POM121C: variants seen among roughly 807,000 people sequenced by gnomAD.
POM121C encodes the protein nuclear envelope pore membrane protein POM 121C.
POM121C carries 20 observed loss-of-function variants against 66.4 expected under a neutral mutation model. The ratio of observed to expected loss-of-function variants is 0.30; its 90% CI spans 0.21 to 0.44. The LOEUF (loss-of-function observed/expected upper bound fraction) is 0.44, where lower values mean the gene tolerates loss of function less well. POM121C is among the 20% of genes least tolerant of loss of function. The probability of loss-of-function intolerance (pLI) is 1.00; values close to 1 mark genes in which losing one functional copy is unlikely to be tolerated. For synonymous variants in POM121C, 286 were observed against 528.0 expected (o/e 0.54, Z 6.28); for missense variants, 580 against 1,225.7 (o/e 0.47, Z 7.87).
chr7:75,472,836 G>A lies in POM121C; in HGVS notation c.-152+1868C>T, dbSNP rs1395188673. Among the ~76,000 whole-genome samples, 6 of 151,116 alleles carry A rather than the reference G, an allele frequency of 4.0e-5. No homozygotes were observed. In the South Asian group the frequency reaches 1.0e-3, roughly 26 times the overall value. The stretch of plus-strand genomic sequence containing the variant: ...TGGAAGGAAGGAAGGGAGGGAGGGA[G>A]GAAGGGAGGGAGGGAAGAGAGGAAG... On this transcript the variant is annotated intron_variant, in intron 3 of 14. Coordinates refer to ENST00000615331, the MANE Select transcript of POM121C (RefSeq NM_001099415.3).
chr7:75,486,038 C>G lies in POM121C; in HGVS notation c.-632G>C, dbSNP rs1456270812. 7 of 455,122 alleles carry G rather than the reference C, an allele frequency of 1.5e-5. No homozygotes were observed. Among genetic ancestry groups the G allele is most frequent in the Non-Finnish European group, 2.6e-5 (6 of 230,070 alleles). 28.2% of individuals were successfully genotyped at this position (455,122 alleles called of 1,614,324 possible). A position where few individuals can be genotyped will look rare whatever the true frequency, so the allele number is the denominator to read the frequency against. On this transcript the variant is annotated 5_prime_UTR_variant, in exon 1 of 15. Transcript: ENST00000615331. ...GGCAAATCCAGGCGGGTGTCCTTCT[C>G]GGGGCCCAGATCCGCCTCCCTGGGG...
intron 3 of POM121C, chr7:75,442,626 C>A: frequency 2.0e-6 from 3 of 1,491,036 alleles, no homozygotes; most frequent in Non-Finnish European, 2.7e-6. Flanking sequence ...GCCGCCCCGG[C>A]CGGCCCGCCG....
Position 75,422,049 on chromosome 7 carries a change from A to T in POM121C, c.2203T>A (p.Ser735Thr), listed in dbSNP as rs201448509. The T allele has an allele frequency of 3.6e-5, 58 of 1,611,810 alleles. No homozygotes were observed. Among genetic ancestry groups the T allele is most frequent in the South Asian group, 1.3e-4 (12 of 91,040 alleles). The change falls in exon 13 of 15, where the codon TCT (serine) becomes ACT (threonine). Residue 735 changes from serine (S) to threonine (T), a missense_variant. Physicochemically the swap from Ser to Thr is moderately conservative, Grantham distance 58. Coordinates refer to ENST00000615331, the MANE Select transcript of POM121C (RefSeq NM_001099415.3). Reference protein sequence around the residue: ...SFGSSFTFGNSAAPAPATAPT... With the variant: ...SFGSSFTFGNTAAPAPATAPT... ...GCAGTAGCCGGGGCCGGGGCTGCAG[A>T]GTTTCCAAAAGTGAAAGAGCTGCCA...
chr7:75,424,501 G>A, intron 11 of POM121C, 25 bp downstream of exon 11: 1 of 1,610,340 alleles, frequency 6.2e-7, no homozygotes, highest in East Asian at 2.2e-5. Flanking sequence ...AACCTCTCGA[G>A]AGTGCAACGA....
intron 7 of POM121C, among the ~76,000 whole-genome samples, chr7:75,428,058 A>C (rs1234179070): frequency 6.6e-6 from 1 of 152,212 alleles, no homozygotes; most frequent in Non-Finnish European, 1.5e-5. Flanking sequence ...CCAAGGATTG[A>C]ATATATAAGC....
chr7:75,479,798 T>C (rs1421875504), intron 1 of POM121C, among the ~76,000 whole-genome samples: 2 of 152,080 alleles, frequency 1.3e-5, no homozygotes, highest in African/African-American at 4.8e-5. Flanking sequence ...AAATGGATAT[T>C]ACTTAAGAAT....
chr7:75,447,820 G>A (rs1469739860), intron 3 of POM121C, among the ~76,000 whole-genome samples: 2 of 151,826 alleles, frequency 1.3e-5, no homozygotes, highest in Non-Finnish European at 2.9e-5. Context: ...TCAGGAGATC[G>A]AGACCATCCT....
At chr7:75,419,186 T>C (rs1789590405) in intron 14 of POM121C, 134 bp downstream of exon 14, 44 of 1,394,912 alleles carry the variant, frequency 3.2e-5, no homozygotes, top group Non-Finnish European at 3.9e-5. Flanking sequence ...TGGGCTGTGC[T>C]GTACTCCTAA....
intron 7 of POM121C, among the ~76,000 whole-genome samples, chr7:75,429,054 C>G (rs189131224): frequency 2.6e-4 from 39 of 152,070 alleles, no homozygotes; most frequent in African/African-American, 8.4e-4. Context: ...TATTACTCCT[C>G]TACTTCATTG....
At chr7:75,452,087 C>A (rs1435362795) in intron 3 of POM121C, among the ~76,000 whole-genome samples, 1 of 152,080 alleles carries the variant, frequency 6.6e-6, no homozygotes, top group African/African-American at 2.4e-5. Context: ...TCTCTTGAAC[C>A]CAGGAGGAGG....
At chr7:75,476,801 ACAACAGACAAATAGGACTTATTC>A (rs1792097410) in intron 1 of POM121C, among the ~76,000 whole-genome samples, 1 of 152,204 alleles carries the variant, frequency 6.6e-6, no homozygotes, top group Non-Finnish European at 1.5e-5. Context: ...AACATAATAT[ACAACAGACAAATAGGACTTATTC>A]CAACAATATA....
chr7:75,423,993 A>C (rs1210186485), intron 12 of POM121C, 56 bp downstream of exon 12: 1 of 1,587,388 alleles, frequency 6.3e-7, no homozygotes, highest in Non-Finnish European at 8.6e-7. Flanking sequence ...CCTTATTCCA[A>C]CCCAAGCCGG....
At chr7:75,450,703 T>C (rs1790993560) in intron 3 of POM121C, among the ~76,000 whole-genome samples, 1 of 152,266 alleles carries the variant, frequency 6.6e-6, no homozygotes, top group Non-Finnish European at 1.5e-5. Flanking sequence ...CACAAATAGT[T>C]TGGAAGTCAC....
chr7:75,460,808 T>C (rs1290663629), intron 3 of POM121C, among the ~76,000 whole-genome samples: 3 of 152,088 alleles, frequency 2.0e-5, no homozygotes, highest in Non-Finnish European at 4.4e-5. Context: ...TCCAAAACCA[T>C]GGGTTCTGCA....
intron 3 of POM121C, among the ~76,000 whole-genome samples, chr7:75,472,703 G>A (rs1791921915): frequency 6.6e-6 from 1 of 152,082 alleles, no homozygotes; most frequent in African/African-American, 2.4e-5. Flanking sequence ...TACTTTGGGA[G>A]GCTGAGGCAG....
At chr7:75,447,834 T>C (rs1790876715) in intron 3 of POM121C, among the ~76,000 whole-genome samples, 1 of 151,800 alleles carries the variant, frequency 6.6e-6, no homozygotes, top group Non-Finnish European at 1.5e-5. Context: ...CCATCCTGGC[T>C]AACACGGTGA....
rs587762125 is a variant in POM121C at position 75,473,284 on chromosome 7, A to ATTATC, written c.-152+1419_-152+1420insGATAA. Among the ~76,000 whole-genome samples the ATTATC allele has an allele frequency of 6.1e-3, 926 of 152,192 alleles. 9 individuals are homozygous for ATTATC. Among genetic ancestry groups the ATTATC allele is most frequent in the African/African-American group, 0.021 (888 of 41,508 alleles). On this transcript the variant is annotated intron_variant, in intron 3 of 14. Transcript: ENST00000615331. ...AGGAAAAAAGGTCTTAGAAGTTGAGATTAGATAAACTCTTTTACGGGATAC... is the reference window on the plus strand; with the variant it reads ...AGGAAAAAAGGTCTTAGAAGTTGAGATTATCTTAGATAAACTCTTTTACGGGATAC...
At chr7:75,472,077 G>A (rs1554478731) in intron 3 of POM121C, among the ~76,000 whole-genome samples, 4 of 151,688 alleles carry the variant, frequency 2.6e-5, no homozygotes, top group African/African-American at 2.4e-5. Flanking sequence ...TAGTAGAGAC[G>A]GGGTTTCACC....
chr7:75,437,013 C>T (rs1790443906), intron 7 of POM121C, among the ~76,000 whole-genome samples: 1 of 152,218 alleles, frequency 6.6e-6, no homozygotes, highest in East Asian at 1.9e-4. Context: ...AAAATCATGA[C>T]CACTTGTTTA....
Sources: gnomAD v4.1 joint callset for allele counts (sites outside exome capture counted in the v4.1 genomes callset) on GRCh38, gnomAD v4.1.1 for gene constraint, MANE v1.5 for transcripts, NCBI Gene and HGNC (gene_info 2026-07-23, HGNC 2026-07-21) for gene names.